The following ARL13B variants were observed in gnomAD, a reference collection of about 807,000 sequenced individuals.
ARL13B encodes ARF like GTPase 13B, also known as ADP-ribosylation factor-like protein 13B.
In ARL13B, 36 loss-of-function variants were observed where a neutral mutation model predicts 56.1. The ratio of observed to expected loss-of-function variants is 0.64; its 90% CI spans 0.49 to 0.85. The LOEUF is 0.85. ARL13B is among the 40% of genes least tolerant of loss of function. The probability of loss-of-function intolerance (pLI) is 0.00; values close to 1 mark genes in which losing one functional copy is unlikely to be tolerated. For missense variants in ARL13B, 519 were observed against 507.1 expected (o/e 1.02, Z -0.23); for synonymous variants, 178 against 171.1 (o/e 1.04, Z -0.32).
intron 4 of ARL13B, 70 bp from the exon 5 acceptor site, chr3:94,036,482 A>T: frequency 6.7e-7 from 1 of 1,499,720 alleles, no homozygotes; most frequent in South Asian, 1.2e-5. Context: ...CATTAATTAT[A>T]CTTAATGGTT....
intron 3 of ARL13B, among the ~76,000 whole-genome samples, chr3:94,020,619 T>C (rs1018257205): frequency 6.6e-6 from 1 of 152,138 alleles, no homozygotes; most frequent in Non-Finnish European, 1.5e-5. Context: ...TTGAAATCTG[T>C]TTGTGTCAGG....
chr3:94,007,798 T>C (rs1466219343), intron 3 of ARL13B, among the ~76,000 whole-genome samples: 1 of 152,152 alleles, frequency 6.6e-6, no homozygotes, highest in East Asian at 1.9e-4. Flanking sequence ...GACTGGAGGT[T>C]TTTCTTGAAA....
intron 3 of ARL13B, 105 bp downstream of exon 3, chr3:94,004,013 G>A (rs1461389412): frequency 6.6e-7 from 1 of 1,521,426 alleles, no homozygotes; most frequent in Non-Finnish European, 9.0e-7. Context: ...TCACGCTTTA[G>A]TATACTAAAA....
chr3:94,013,113 C>A (rs894759460), intron 3 of ARL13B, among the ~76,000 whole-genome samples: 1 of 152,120 alleles, frequency 6.6e-6, no homozygotes, highest in African/African-American at 2.4e-5. Flanking sequence ...GTTAGTCAGA[C>A]CCTCCTCAGG....
intron 2 of ARL13B, among the ~76,000 whole-genome samples, chr3:94,002,750 A>G (rs1285864073): frequency 6.6e-6 from 1 of 152,144 alleles, no homozygotes; most frequent in African/African-American, 2.4e-5. Flanking sequence ...CACCTTAATT[A>G]TATCATTGGT....
chr3:94,036,431 T>C, intron 4 of ARL13B, 121 bp from the exon 5 acceptor site: 1 of 962,220 alleles, frequency 1.0e-6, no homozygotes, highest in South Asian at 1.5e-5. Flanking sequence ...AATAAGCAGA[T>C]GCTTCATATT....
At chr3:94,042,165 A>G (rs966452359) in intron 6 of ARL13B, among the ~76,000 whole-genome samples, 9 of 152,236 alleles carry the variant, frequency 5.9e-5, no homozygotes, top group African/African-American at 2.2e-4. Context: ...AATATGTATT[A>G]ATACGGCAGA....
intron 1 of ARL13B, among the ~76,000 whole-genome samples, chr3:93,982,244 T>G (rs1036482059): frequency 6.6e-6 from 1 of 152,216 alleles, no homozygotes; most frequent in African/African-American, 2.4e-5. Flanking sequence ...GATTTCCAAG[T>G]AGAACAGATA....
intron 3 of ARL13B, among the ~76,000 whole-genome samples, chr3:94,018,237 A>G (rs2076373229): frequency 6.6e-6 from 1 of 150,506 alleles, no homozygotes; most frequent in Admixed American, 6.6e-5. Flanking sequence ...CTTTCTATAT[A>G]GAGAATAGTT....
At chr3:94,002,667 G>C (rs2076073217) in intron 2 of ARL13B, among the ~76,000 whole-genome samples, 1 of 152,234 alleles carries the variant, frequency 6.6e-6, no homozygotes, top group South Asian at 2.1e-4. Context: ...TCTCTGAAAA[G>C]AGGCTATTAC....
rs143828740 is a variant in ARL13B, at chr3:93,980,161, C to T, written c.-263C>T. The T allele has an allele frequency of 7.6e-3, 4,800 of 634,016 alleles. 30 individuals are homozygous for T. The highest frequency in any genetic ancestry group is 0.011 in the Non-Finnish European group (3,716 of 347,638). The allele number at this position is 634,016 out of a possible 1,614,324, so 39.3% of individuals were successfully genotyped here. On this transcript the variant is annotated 5_prime_UTR_variant, in exon 1 of 10. Transcript: ENST00000394222. ...GTCAGCACGTCGACGCGGGGCTTTTCTTTAGCCGGGTCCCGCTAACTCGGC... is the reference window on the plus strand; with the variant it reads ...GTCAGCACGTCGACGCGGGGCTTTTTTTTAGCCGGGTCCCGCTAACTCGGC...
At chr3:94,049,264 G>C (rs2077030059) in intron 7 of ARL13B, 142 bp from the exon 8 acceptor site, 3 of 515,658 alleles carry the variant, frequency 5.8e-6, no homozygotes, top group Non-Finnish European at 1.0e-5. Flanking sequence ...GTACACATTT[G>C]GTTATTGTAA....
intron 7 of ARL13B, among the ~76,000 whole-genome samples, chr3:94,044,190 C>T (rs1404891216): frequency 6.6e-6 from 1 of 151,544 alleles, no homozygotes; most frequent in Non-Finnish European, 1.5e-5. Flanking sequence ...TGCCTGGCTG[C>T]CACCCTGTCT....
intron 3 of ARL13B, among the ~76,000 whole-genome samples, chr3:94,022,022 T>C (rs2076459721): frequency 6.6e-6 from 1 of 152,180 alleles, no homozygotes. Context: ...TTAAAGACAG[T>C]CATAAAGGCA....
intron 5 of ARL13B, 40 bp downstream of exon 5, chr3:94,036,794 T>A: frequency 6.4e-7 from 1 of 1,567,292 alleles, no homozygotes; most frequent in Non-Finnish European, 8.7e-7. Flanking sequence ...ATTTGAAGGA[T>A]CAAAAACATA....
At chr3:94,043,403 G>A (rs550772528) in intron 7 of ARL13B, among the ~76,000 whole-genome samples, 163 bp downstream of exon 7, 1 of 151,120 alleles carries the variant, frequency 6.6e-6, no homozygotes, top group East Asian at 2.0e-4. Flanking sequence ...TTATTATTCA[G>A]TTTGTTCCTA....
chr3:93,989,677 A>G (rs978944919), intron 1 of ARL13B, among the ~76,000 whole-genome samples: 2 of 151,568 alleles, frequency 1.3e-5, no homozygotes, highest in African/African-American at 4.9e-5. Context: ...AGCTATTGTT[A>G]TTATCCTATT....
intron 7 of ARL13B, among the ~76,000 whole-genome samples, chr3:94,046,697 G>A (rs945695513): frequency 6.6e-6 from 1 of 151,930 alleles, no homozygotes; most frequent in African/African-American, 2.4e-5. Flanking sequence ...AAGGTTTTTT[G>A]TTTGTTTTTT....
At chr3:93,988,928 T>C (rs529516744) in intron 1 of ARL13B, 19 of 307,900 alleles carry the variant, frequency 6.2e-5, no homozygotes, top group East Asian at 5.9e-4. Context: ...TCGGCTGAAC[T>C]GACCTTCCTC....
Sources: gnomAD v4.1 joint callset for allele counts (sites outside exome capture counted in the v4.1 genomes callset) on GRCh38, gnomAD v4.1.1 for gene constraint, MANE v1.5 for transcripts, NCBI Gene and HGNC (gene_info 2026-07-23, HGNC 2026-07-21) for gene names.